The following SCIN variants were observed in gnomAD, a reference collection of about 807,000 sequenced individuals.
SCIN encodes scinderin, also known as adseverin.
In SCIN, 91 loss-of-function variants were observed where a neutral mutation model predicts 91.8. The observed-to-expected ratio is 0.99, with a 90% CI of 0.84 to 1.18. The LOEUF is 1.18. SCIN is among the 50% of genes most tolerant of loss of function. The pLI is 0.00. For missense variants in SCIN, 1,087 were observed against 863.9 expected (o/e 1.26, Z -3.24); for synonymous variants, 367 against 312.6 (o/e 1.17, Z -1.84).
intron 3 of SCIN, among the ~76,000 whole-genome samples, chr7:12,599,596 A>G (rs113729623): frequency 0.011 from 1,701 of 152,268 alleles, 27 homozygotes; most frequent in African/African-American, 0.04. Context: ...GAATCTCCAC[A>G]CTGTTTTCCA....
Position 12,658,421 on chromosome 7 carries a change from A to G in SCIN, c.*5706A>G, listed in dbSNP as rs1434764082. 1 of 152,192 alleles carries G rather than the reference A, an allele frequency of 6.6e-6. No individual in the cohort carries two copies. The allele number at this position is 152,192 out of a possible 1,614,324, so 9.4% of individuals were successfully genotyped here. ...TATTGACACACCAAAGATGCTATGT[A>G]GGTGAAAATCTCTCCTAATGCATTC... On this transcript the variant is annotated 3_prime_UTR_variant, in exon 16 of 16. Coordinates refer to ENST00000297029, the MANE Select transcript of SCIN (RefSeq NM_001112706.3).
intron 1 of SCIN, among the ~76,000 whole-genome samples, chr7:12,572,217 A>G (rs894547299): frequency 6.6e-5 from 10 of 152,254 alleles, no homozygotes; most frequent in Non-Finnish European, 1.0e-4. Flanking sequence ...ACTTTTAATT[A>G]TAACATTTGG....
intron 9 of SCIN, among the ~76,000 whole-genome samples, chr7:12,631,346 A>G (rs528764204): frequency 6.6e-6 from 1 of 152,216 alleles, no homozygotes; most frequent in South Asian, 2.1e-4. Context: ...TTTTAGTGCA[A>G]TATAAAGGAT....
chr7:12,571,546 A>G, intron 1 of SCIN: 1 of 456,948 alleles, frequency 2.2e-6, no homozygotes, highest in Non-Finnish European at 4.5e-6. Flanking sequence ...TTAAAACAGG[A>G]TTCTACCCGC....
chr7:12,571,282 C>A, intron 1 of SCIN: 3 of 435,152 alleles, frequency 6.9e-6, no homozygotes, highest in Non-Finnish European at 8.3e-6. Context: ...CTTTCACCGT[C>A]AAGTATCCAA....
intron 3 of SCIN, among the ~76,000 whole-genome samples, chr7:12,601,127 T>C (rs2115246164): frequency 6.6e-6 from 1 of 152,356 alleles, no homozygotes; most frequent in African/African-American, 2.4e-5. Context: ...TTTGATTTTA[T>C]TTCTTATAAA....
At chr7:12,577,573 G>A (rs997681551) in intron 1 of SCIN, 24 of 456,162 alleles carry the variant, frequency 5.3e-5, no homozygotes, top group Non-Finnish European at 9.2e-5. Flanking sequence ...AAAACAGGCC[G>A]GGCATGGTGG....
chr7:12,629,162 A>G lies in SCIN; in HGVS notation c.1259A>G (p.Tyr420Cys), dbSNP rs1763815330. The G allele has an allele frequency of 5.6e-6, 9 of 1,613,268 alleles. No homozygotes were observed. Among genetic ancestry groups the G allele is most frequent in the Non-Finnish European group, 6.8e-6 (8 of 1,179,408 alleles). ...QVDQNSYGEF[Y>C]GGDCYIILYT... ...GACCAAAACTCATATGGTGAATTCT[A>G]TGGTGGTGACTGCTACATCATACTC... The change falls in exon 9 of 16, where the codon TAT becomes TGT. Residue 420 changes from tyrosine (Y) to cysteine (C), a missense_variant. Tyr to Cys is a radical substitution (Grantham distance 194). Transcript: ENST00000297029.
chr7:12,618,697 A>G (rs1783347151), intron 4 of SCIN, among the ~76,000 whole-genome samples: 1 of 152,150 alleles, frequency 6.6e-6, no homozygotes, highest in Admixed American at 6.6e-5. Context: ...GCAAGTAAAT[A>G]TACCATAACA....
At chr7:12,580,940 C>T in intron 2 of SCIN, 120 bp from the exon 3 acceptor site, 1 of 976,306 alleles carries the variant, frequency 1.0e-6, no homozygotes, top group Admixed American at 2.8e-5. Flanking sequence ...TTTAACTTGG[C>T]CTGACAGGTA....
chr7:12,577,846 A>T, intron 1 of SCIN: 8 of 459,668 alleles, frequency 1.7e-5, no homozygotes, highest in Admixed American at 4.1e-5. Flanking sequence ...ACAGAGCAAC[A>T]CCCTCTCTCA....
chr7:12,643,536 T>A (rs2115296903), intron 11 of SCIN, among the ~76,000 whole-genome samples: 1 of 152,294 alleles, frequency 6.6e-6, no homozygotes, highest in Middle Eastern at 3.4e-3. Flanking sequence ...TGTTCCCAAT[T>A]CCTGGACATT....
rs530131312 is a variant in SCIN, at chr7:12,571,005, G to C, written c.199+20G>C. The stretch of plus-strand genomic sequence containing the variant: ...GGCTCGGTAAGGGACGGCGGGCGGC[G>C]GGACCCCGACGCACCAAGGCCGGCG... On this transcript the variant is annotated intron_variant, in intron 1 of 15. Transcript: ENST00000297029. 4.8e-5 allele frequency: 74 copies of C among 1,542,462 alleles called. 1 individual carries two copies. The South Asian group carries it at 8.4e-4, about 18-fold the overall frequency.
intron 3 of SCIN, among the ~76,000 whole-genome samples, chr7:12,582,894 A>G (rs1164161489): frequency 6.6e-6 from 1 of 152,082 alleles, no homozygotes; most frequent in Admixed American, 6.6e-5. Flanking sequence ...CATCTCCACC[A>G]CTTGTACTCT....
intron 3 of SCIN, among the ~76,000 whole-genome samples, chr7:12,582,551 C>T (rs1490384216): frequency 1.3e-5 from 2 of 152,098 alleles, no homozygotes; most frequent in Non-Finnish European, 2.9e-5. Flanking sequence ...TATAAATGCC[C>T]AAAGTACAAT....
chr7:12,625,035 G>T lies in SCIN; in HGVS notation c.785G>T (p.Arg262Ile). ...GTTTCAGATGCAAGTGGCTCCATGA[G>T]AGTGACTGTGGTGGCAGAAGAAAAC... ...YMVSDASGSM[R>I]VTVVAEENPF... The change falls in exon 6 of 16, where the codon AGA becomes ATA. Residue 262 changes from arginine (R) to isoleucine (I), a missense_variant. Coordinates refer to ENST00000297029, the MANE Select transcript of SCIN (RefSeq NM_001112706.3). 1.3e-6 allele frequency: 2 copies of T among 1,570,154 alleles called. No individual in the cohort carries two copies. Among genetic ancestry groups the T allele is most frequent in the East Asian group, 2.3e-5 (1 of 42,948 alleles).
intron 5 of SCIN, 34 bp from the exon 6 acceptor site, chr7:12,624,976 A>C: frequency 1.3e-6 from 2 of 1,544,450 alleles, no homozygotes; most frequent in Non-Finnish European, 8.7e-7. Context: ...ATCATCCCCA[A>C]ATGAAAACAT....
chr7:12,581,879 T>C (rs2115212747), intron 3 of SCIN, among the ~76,000 whole-genome samples: 1 of 152,286 alleles, frequency 6.6e-6, no homozygotes, highest in East Asian at 1.9e-4. Flanking sequence ...AGAATATAAG[T>C]TGTGTCTTTA....
chr7:12,598,742 A>C (rs1782894168), intron 3 of SCIN, among the ~76,000 whole-genome samples: 1 of 152,084 alleles, frequency 6.6e-6, no homozygotes. Flanking sequence ...AAAACAAAAA[A>C]CAAAAAAACA....
Sources: allele counts gnomAD v4.1 joint callset (sites outside exome capture counted in the v4.1 genomes callset), GRCh38; gene constraint gnomAD v4.1.1; transcripts MANE v1.5; gene names NCBI Gene and HGNC (gene_info 2026-07-23, HGNC 2026-07-21).